Variants in EFNA5 observed in about 807,000 individuals in gnomAD.
EFNA5 encodes ephrin A5.
Under a neutral mutation model 22.9 loss-of-function variants are expected in EFNA5, and 5 were observed. The ratio of observed to expected loss-of-function variants is 0.22; its 90% CI spans 0.11 to 0.46. The LOEUF (loss-of-function observed/expected upper bound fraction) is 0.46. Ranked by LOEUF, EFNA5 falls within the 20% of genes least tolerant of loss-of-function variation. The pLI, the probability that EFNA5 is intolerant of heterozygous loss-of-function variation, is 0.99. For missense variants in EFNA5, 237 were observed against 293.3 expected (o/e 0.81, Z 1.40); for synonymous variants, 113 against 112.2 (o/e 1.01, Z -0.04).
intron 1 of EFNA5, among the ~76,000 whole-genome samples, chr5:107,575,981 C>T (rs958616916): frequency 3.3e-5 from 5 of 152,186 alleles, no homozygotes; most frequent in Non-Finnish European, 7.3e-5. Context: ...TTTCTGCAAA[C>T]TGCCTCATTT....
At chr5:107,393,718 A>C (rs1355618080) in intron 2 of EFNA5, among the ~76,000 whole-genome samples, 1 of 152,206 alleles carries the variant, frequency 6.6e-6, no homozygotes, top group East Asian at 1.9e-4. Flanking sequence ...TTTTTCATGC[A>C]GTTCAACATA....
chr5:107,599,242 AC>A (rs1749537230), intron 1 of EFNA5, among the ~76,000 whole-genome samples: 1 of 152,180 alleles, frequency 6.6e-6, no homozygotes. Context: ...TCCTAAACAA[AC>A]TATAGCACAT....
intron 2 of EFNA5, among the ~76,000 whole-genome samples, chr5:107,393,693 T>C (rs1033351551): frequency 6.6e-6 from 1 of 152,196 alleles, no homozygotes; most frequent in South Asian, 2.1e-4. Flanking sequence ...ACGGCCCAGT[T>C]TTTTTCCCTG....
chr5:107,485,105 A>T (rs1239982797), intron 1 of EFNA5, among the ~76,000 whole-genome samples: 1 of 152,210 alleles, frequency 6.6e-6, no homozygotes, highest in Non-Finnish European at 1.5e-5. Context: ...TAGGAAATAC[A>T]AATCTAAGAG....
At chr5:107,545,555 T>G (rs182385804) in intron 1 of EFNA5, among the ~76,000 whole-genome samples, 2 of 152,286 alleles carry the variant, frequency 1.3e-5, no homozygotes, top group Admixed American at 1.3e-4. Flanking sequence ...GAGGATGTAT[T>G]TATTTTTCCA....
chr5:107,381,011 G>A lies in EFNA5; in HGVS notation c.*244C>T. ...TTCATCTGGAGTCCATTTAATTTGG[G>A]AGGGGTGAGAGAAGCCAAGGGCCAG... On this transcript the variant is annotated 3_prime_UTR_variant, in exon 5 of 5. Transcript: ENST00000333274. 2.1e-6 allele frequency: 1 copy of A among 482,984 alleles called. No homozygotes were observed. The highest frequency in any genetic ancestry group is 1.9e-5 in the African/African-American group (1 of 51,914). The allele number at this position is 482,984 out of a possible 1,614,324, so 29.9% of individuals were successfully genotyped here.
chr5:107,477,011 C>T (rs1561403409), intron 1 of EFNA5, among the ~76,000 whole-genome samples: 1 of 152,132 alleles, frequency 6.6e-6, no homozygotes, highest in Admixed American at 6.5e-5. Flanking sequence ...ATTTGCTGAG[C>T]ATTTGTATCA....
At chr5:107,405,163 G>A (rs995193639) in intron 2 of EFNA5, among the ~76,000 whole-genome samples, 2 of 152,196 alleles carry the variant, frequency 1.3e-5, no homozygotes, top group African/African-American at 4.8e-5. Context: ...TCCCAGCCTG[G>A]CCTTGCCATC....
chr5:107,562,672 C>T (rs955868942), intron 1 of EFNA5, among the ~76,000 whole-genome samples: 13 of 152,092 alleles, frequency 8.5e-5, no homozygotes, highest in Admixed American at 6.6e-4. Context: ...GTAAACTCAC[C>T]ATTGTGAATA....
intron 1 of EFNA5, among the ~76,000 whole-genome samples, chr5:107,487,365 T>C (rs1746661235): frequency 6.6e-6 from 1 of 152,216 alleles, no homozygotes; most frequent in Non-Finnish European, 1.5e-5. Context: ...CTTTGTTTAA[T>C]CCCCTTCCAA....
intron 2 of EFNA5, among the ~76,000 whole-genome samples, chr5:107,412,740 T>C (rs1231709005): frequency 6.6e-6 from 1 of 152,192 alleles, no homozygotes; most frequent in Non-Finnish European, 1.5e-5. Context: ...AGACTGATTA[T>C]TTCTTCATCC....
intron 1 of EFNA5, among the ~76,000 whole-genome samples, chr5:107,567,049 C>T (rs185990720): frequency 3.9e-4 from 59 of 152,266 alleles, no homozygotes; most frequent in African/African-American, 1.4e-3. Flanking sequence ...TTCAATGGCA[C>T]TTGAACTTTT....
chr5:107,445,117 A>G (rs1227447431), intron 1 of EFNA5, among the ~76,000 whole-genome samples: 2 of 152,016 alleles, frequency 1.3e-5, no homozygotes, highest in Non-Finnish European at 2.9e-5. Flanking sequence ...CCACCTCCTG[A>G]GTTCAAGTGA....
intron 1 of EFNA5, among the ~76,000 whole-genome samples, chr5:107,497,353 C>T (rs917917273): frequency 6.6e-6 from 1 of 152,166 alleles, no homozygotes; most frequent in Non-Finnish European, 1.5e-5. Context: ...TATAAAATTA[C>T]TCCTTTTGCT....
chr5:107,382,668 C>A (rs548231589), intron 4 of EFNA5, among the ~76,000 whole-genome samples: 2 of 152,168 alleles, frequency 1.3e-5, no homozygotes, highest in Non-Finnish European at 2.9e-5. Flanking sequence ...CTATACCTGG[C>A]CACTTGTGCT....
intron 1 of EFNA5, among the ~76,000 whole-genome samples, chr5:107,457,286 A>G (rs1407519804): frequency 6.6e-6 from 1 of 152,128 alleles, no homozygotes; most frequent in Non-Finnish European, 1.5e-5. Flanking sequence ...ACTGCACTCC[A>G]TAGAGGTGGT....
At chr5:107,513,026 T>C (rs1022858246) in intron 1 of EFNA5, among the ~76,000 whole-genome samples, 6 of 152,118 alleles carry the variant, frequency 3.9e-5, no homozygotes, top group African/African-American at 1.2e-4. Flanking sequence ...GGTACTTACG[T>C]ACCCAGTGGC....
rs1213146386 is a variant in EFNA5, at chr5:107,482,798, C to G, written c.126-55289G>C. On this transcript the variant is annotated intron_variant, in intron 1 of 4. Coordinates refer to ENST00000333274, the MANE Select transcript of EFNA5 (RefSeq NM_001962.3). ...TGTAACCTCTTTCTTTTTGGCTGCTCTCTCTCTCTCTCTCTGTCTCTCTCT... is the reference window on the plus strand; with the variant it reads ...TGTAACCTCTTTCTTTTTGGCTGCTGTCTCTCTCTCTCTCTGTCTCTCTCT... Among the ~76,000 whole-genome samples the G allele has an allele frequency of 2.1e-4, 18 of 87,092 alleles. No individual in the cohort carries two copies. The East Asian group carries it at 0.017, about 80-fold the overall frequency. 57.1% of individuals were successfully genotyped at this position (87,092 alleles called of 152,430 possible).
rs1021752170 is a variant in EFNA5 at position 107,636,834 on chromosome 5, G to A, written c.125+33655C>T. 2.6e-5 allele frequency among the ~76,000 whole-genome samples: 4 copies of A among 152,284 alleles called. No individual in the cohort carries two copies. In the East Asian group the frequency reaches 7.7e-4, roughly 29 times the overall value. ...TGTGAAGGTGATAAGGTTCTGGCAG[G>A]GCAGTGGCGTGATGACACAGGGCAA... is the stretch of plus-strand genomic sequence containing the variant. On this transcript the variant is annotated intron_variant, in intron 1 of 4. Transcript: ENST00000333274.
Sources: gnomAD v4.1 joint callset for allele counts (sites outside exome capture counted in the v4.1 genomes callset) on GRCh38, gnomAD v4.1.1 for gene constraint, MANE v1.5 for transcripts, NCBI Gene and HGNC (gene_info 2026-07-23, HGNC 2026-07-21) for gene names.